The following EPB41L3 variants were observed in gnomAD, a reference collection of about 807,000 sequenced individuals.
The protein encoded by EPB41L3 is band 4.1-like protein 3.
Under a neutral mutation model 127.1 loss-of-function variants are expected in EPB41L3, and 57 were observed. The ratio of observed to expected loss-of-function variants is 0.45; its 90% confidence interval spans 0.36 to 0.56. The LOEUF is 0.56. EPB41L3 is among the 20% of genes least tolerant of loss of function. The pLI is 0.00. For missense variants in EPB41L3, 1,273 were observed against 1,372.2 expected (o/e 0.93, Z 1.14); for synonymous variants, 572 against 549.5 (o/e 1.04, Z -0.57).
chr18:5,567,230 C>G (rs914365947), intron 3 of EPB41L3: 2 of 152,330 alleles, frequency 1.3e-5, no homozygotes, highest in Admixed American at 1.3e-4. Context: ...CAAACGCAAA[C>G]CGGCCCCATC....
chr18:5,396,560 TA>T (rs1486240420), intron 18 of EPB41L3, among the ~76,000 whole-genome samples: 4 of 151,856 alleles, frequency 2.6e-5, no homozygotes, highest in Admixed American at 1.3e-4. Context: ...TTGAAGGCAA[TA>T]AAAAAAAGTT....
intron 1 of EPB41L3, among the ~76,000 whole-genome samples, chr18:5,512,847 G>T (rs954606356): frequency 1.3e-5 from 2 of 152,110 alleles, no homozygotes; most frequent in African/African-American, 4.8e-5. Flanking sequence ...CTCTGCAAAC[G>T]TAGACTTAGG....
rs62077732 is a variant in EPB41L3 at position 5,532,184 on chromosome 18, G to A, written c.-12+11729C>T. Among the ~76,000 whole-genome samples the A allele has an allele frequency of 3.4e-3, 522 of 152,256 alleles. 1 individual carries two copies. Among genetic ancestry groups the A allele is most frequent in the Non-Finnish European group, 6.2e-3 (423 of 68,012 alleles). ...ATCCCCTAAATGATAGTATCTACAG[G>A]AGCATTCCACATGCCAAGTCTCTGG... On this transcript the variant is annotated intron_variant, in intron 1 of 22. Transcript: ENST00000341928.
chr18:5,486,252 T>A (rs2089728009), intron 2 of EPB41L3, among the ~76,000 whole-genome samples: 1 of 152,014 alleles, frequency 6.6e-6, no homozygotes, highest in African/African-American at 2.4e-5. Context: ...GTCCTTTCAG[T>A]AAAGGGTGTA....
chr18:5,405,754 C>G (rs937217656), intron 16 of EPB41L3, among the ~76,000 whole-genome samples: 2 of 148,500 alleles, frequency 1.3e-5, no homozygotes, highest in Non-Finnish European at 3.0e-5. Context: ...TCAGCATGGG[C>G]GACAGAGAGA....
At chr18:5,630,298 C>G (rs2094979336), upstream of EPB41L3, 1 of 504,212 alleles carries the variant, frequency 2.0e-6, no homozygotes, top group Non-Finnish European at 3.9e-6. Flanking sequence ...GGCAGGCGGC[C>G]CGCACCCGCG....
intron 1 of EPB41L3, among the ~76,000 whole-genome samples, chr18:5,510,397 C>T (rs913395229): frequency 1.3e-5 from 2 of 152,138 alleles, no homozygotes; most frequent in Non-Finnish European, 2.9e-5. Flanking sequence ...GGTGGAGCCA[C>T]GTAACATTTA....
chr18:5,627,173 C>T (rs1392365906), intron 1 of EPB41L3, among the ~76,000 whole-genome samples: 2 of 152,098 alleles, frequency 1.3e-5, no homozygotes, highest in Admixed American at 6.5e-5. Context: ...GTTCAAAGTG[C>T]GAGGTCACTT....
chr18:5,551,371 C>T (rs111706004), intron 3 of EPB41L3, among the ~76,000 whole-genome samples: 26 of 152,242 alleles, frequency 1.7e-4, no homozygotes, highest in South Asian at 4.2e-4. Flanking sequence ...CTAGCACAGA[C>T]GGGTGGTTCT....
chr18:5,597,908 A>T (rs2094552361), intron 3 of EPB41L3, among the ~76,000 whole-genome samples: 1 of 152,214 alleles, frequency 6.6e-6, no homozygotes, highest in Non-Finnish European at 1.5e-5. Context: ...CAGTAGCAGC[A>T]GCAGCTCATC....
At chr18:5,468,874 C>T (rs1434599618) in intron 3 of EPB41L3, among the ~76,000 whole-genome samples, 4 of 152,104 alleles carry the variant, frequency 2.6e-5, no homozygotes, top group Non-Finnish European at 4.4e-5. Flanking sequence ...TGAGATCATG[C>T]CATTGCACTT....
chr18:5,530,251 G>T (rs924623487), intron 1 of EPB41L3, among the ~76,000 whole-genome samples: 6 of 152,106 alleles, frequency 3.9e-5, no homozygotes, highest in Admixed American at 3.9e-4. Context: ...AAAAAGTGAA[G>T]TTTCTAAGTT....
chr18:5,532,704 A>T (rs1286859078), intron 1 of EPB41L3, among the ~76,000 whole-genome samples: 1 of 152,126 alleles, frequency 6.6e-6, no homozygotes, highest in Admixed American at 6.5e-5. Context: ...TGGAGAAGAG[A>T]TCATTCAGAA....
chr18:5,489,211 G>A lies in EPB41L3; in HGVS notation c.-11-17C>T, dbSNP rs1310850091. 7.6e-6 allele frequency: 12 copies of A among 1,583,168 alleles called. No individual in the cohort carries two copies. The highest frequency in any genetic ancestry group is 1.0e-5 in the Non-Finnish European group (12 of 1,171,474). On this transcript the variant is annotated splice_polypyrimidine_tract_variant and intron_variant, in intron 1 of 22. Transcript: ENST00000341928. ...TTGATTGTTCTGCAAGCAGAAAAAA[G>A]GGAAGAGCAGGTCACTCCGTGCCAC...
chr18:5,529,443 T>C lies in EPB41L3; in HGVS notation c.-12+14470A>G, dbSNP rs1413015545. Among the ~76,000 whole-genome samples, 3 of 152,066 alleles carry C rather than the reference T, an allele frequency of 2.0e-5. No individual in the cohort carries two copies. In the East Asian group the frequency reaches 5.8e-4, roughly 29 times the overall value. ...CGCCCTCCTCTCAGCCCTAGCCCAC[T>C]GCAGCCTGGCTTCCACCCTCAGAAC... is the stretch of plus-strand genomic sequence containing the variant. On this transcript the variant is annotated intron_variant, in intron 1 of 22. Transcript: ENST00000341928.
chr18:5,434,736 C>CTTAATACTT (rs1366137605), intron 6 of EPB41L3, among the ~76,000 whole-genome samples: 39 of 152,330 alleles, frequency 2.6e-4, no homozygotes, highest in African/African-American at 9.1e-4. Context: ...ATGTGCAGAA[C>CTTAATACTT]TTAATACTTG....
intron 1 of EPB41L3, among the ~76,000 whole-genome samples, chr18:5,530,425 A>G (rs1009312998): frequency 1.3e-5 from 2 of 152,116 alleles, no homozygotes; most frequent in African/African-American, 4.8e-5. Context: ...AAAAAGCCAT[A>G]TTAAAAGTAC....
chr18:5,471,868 T>C (rs2086202881), intron 3 of EPB41L3, among the ~76,000 whole-genome samples: 2 of 152,256 alleles, frequency 1.3e-5, no homozygotes, highest in South Asian at 4.1e-4. Flanking sequence ...CTTCACACAA[T>C]GTGACAACTG....
intron 1 of EPB41L3, among the ~76,000 whole-genome samples, chr18:5,510,013 G>A (rs985692797): frequency 6.6e-6 from 1 of 152,190 alleles, no homozygotes; most frequent in Non-Finnish European, 1.5e-5. Flanking sequence ...ATGGAGATCA[G>A]GGAAAGCTGG....
Sources: gnomAD v4.1 joint callset for allele counts (sites outside exome capture counted in the v4.1 genomes callset) on GRCh38, gnomAD v4.1.1 for gene constraint, MANE v1.5 for transcripts, NCBI Gene and HGNC (gene_info 2026-07-23, HGNC 2026-07-21) for gene names.